The following RARA variants were observed in gnomAD, a reference collection of about 807,000 sequenced individuals.
RARA encodes PML-DDX5-RARA fusion.
In RARA, 5 loss-of-function variants were observed where a neutral mutation model predicts 42.8. The observed-to-expected ratio is 0.12, with a 90% confidence interval of 0.06 to 0.25. The LOEUF (loss-of-function observed/expected upper bound fraction) is 0.25, where lower values mean the gene tolerates loss of function less well. RARA is among the 10% of genes least tolerant of loss of function. The probability of loss-of-function intolerance (pLI) is 1.00; values close to 1 mark genes in which losing one functional copy is unlikely to be tolerated. For synonymous variants in RARA, 256 were observed against 259.5 expected (o/e 0.99, Z 0.13); for missense variants, 402 against 628.7 (o/e 0.64, Z 3.86).
intron 1 of RARA, among the ~76,000 whole-genome samples, chr17:40,328,644 A>G (rs2143256330): frequency 6.6e-6 from 1 of 152,268 alleles, no homozygotes; most frequent in East Asian, 1.9e-4. Flanking sequence ...TGTCTCTATA[A>G]ATGTGCCTAT....
At chr17:40,329,032 C>A (rs2033620542) in intron 1 of RARA, among the ~76,000 whole-genome samples, 1 of 152,118 alleles carries the variant, frequency 6.6e-6, no homozygotes, top group African/African-American at 2.4e-5. Flanking sequence ...TTCCCACCAG[C>A]AATATATGAG....
At position 40,340,233 on chromosome 17, in the gene RARA, G is replaced by A. The variant is rs575117113; in HGVS notation, c.179-8083G>A. On this transcript the variant is annotated intron_variant, in intron 2 of 8. Coordinates refer to ENST00000254066, the MANE Select transcript of RARA (RefSeq NM_000964.4). ...ACCCTTGTCTGATGCCTGGACTGCT[G>A]CAGTAGCTTTTACCTGGTCTCTCTT... is the stretch of plus-strand genomic sequence containing the variant. 3.9e-5 allele frequency among the ~76,000 whole-genome samples: 6 copies of A among 152,108 alleles called. No homozygotes were observed. In the South Asian group the frequency reaches 8.3e-4, roughly 21 times the overall value.
intron 2 of RARA, chr17:40,342,630 A>T: frequency 6.5e-7 from 1 of 1,539,040 alleles, no homozygotes; most frequent in Admixed American, 1.9e-5. Flanking sequence ...CTCTGCTCGG[A>T]TGGCGCCGCC....
At chr17:40,348,699 GTC>G (rs1402123481) in intron 3 of RARA, 6 of 426,564 alleles carry the variant, frequency 1.4e-5, no homozygotes. Flanking sequence ...TCCTTTCCCT[GTC>G]TCTATCCTCC....
chr17:40,351,763 C>A lies in RARA; in HGVS notation c.470-147C>A. ...GGAGGGCTGGAGTGCGTGGCAATGC[C>A]TTGCCTGCCCGTGAACGCGTGCTGT... On this transcript the variant is annotated intron_variant, in intron 4 of 8. Transcript: ENST00000254066. This position sits in a 1 kb window ranked among gnomAD's most constrained non-coding sequence, Gnocchi z 4.1. 9.1e-7 allele frequency: 1 copy of A among 1,095,256 alleles called. No individual in the cohort carries two copies. Among genetic ancestry groups the A allele is most frequent in the African/African-American group, 1.6e-5 (1 of 62,448 alleles). The allele number at this position is 1,095,256 out of a possible 1,614,324, so 67.8% of individuals were successfully genotyped here. A position where few individuals can be genotyped will look rare whatever the true frequency, so the allele number is the denominator to read the frequency against.
chr17:40,349,966 G>C (rs757548851), intron 4 of RARA, 41 bp downstream of exon 4: 21 of 1,607,624 alleles, frequency 1.3e-5, no homozygotes, highest in South Asian at 2.2e-5. Context: ...GCCTCAGTTG[G>C]GGTCTCAGAT....
chr17:40,355,404 G>A lies in RARA; in HGVS notation c.1154G>A (p.Arg385Gln), dbSNP rs775118101. The A allele has an allele frequency of 1.2e-6, 2 of 1,613,950 alleles. No homozygotes were observed. Among genetic ancestry groups the A allele is most frequent in the Non-Finnish European group, 1.7e-6 (2 of 1,179,918 alleles). The change falls in exon 8 of 9, where the codon CGA (arginine) becomes CAA (glutamine). Residue 385 changes from arginine (R) to glutamine (Q), a missense_variant. Around this residue, in one of 5 missense-constraint regions of RARA, gnomAD observed 104 missense variants for 160.1 expected, o/e 0.65. Transcript: ENST00000254066. This position sits in a 1 kb window ranked among gnomAD's most constrained non-coding sequence, Gnocchi z 4.1. The part of the protein sequence containing the change: ...PKMLMKITDL[R>Q]SISAKGAERV... Reference sequence around the variant, plus strand: ...ATGCTAATGAAGATTACTGACCTGCGAAGCATCAGCGCCAAGGGTGAGGCT... The same window carrying A: ...ATGCTAATGAAGATTACTGACCTGCAAAGCATCAGCGCCAAGGGTGAGGCT...
chr17:40,348,515 G>GT (rs765805238), intron 3 of RARA, 51 bp downstream of exon 3: 196 of 1,588,674 alleles, frequency 1.2e-4, no homozygotes, highest in Non-Finnish European at 1.6e-4. Flanking sequence ...TCAATGGGAT[G>GT]TCCCCACTTC....
rs999607343 is a variant in RARA, at chr17:40,348,316, C to A, written c.179C>A (p.Thr60Asn). 4 of 1,589,120 alleles carry A rather than the reference C, an allele frequency of 2.5e-6. No individual in the cohort carries two copies. The African/African-American group carries it at 5.4e-5, about 22-fold the overall frequency. The change falls in exon 3 of 9, where the codon ACC becomes AAC. Residue 60 changes from threonine (T) to asparagine (N), a missense_variant and splice_region_variant. Physicochemically the swap from Thr to Asn is moderately conservative, Grantham distance 65. This residue lies in a region of RARA where 91 missense variants were observed against 105.2 expected (regional missense o/e 0.87). Transcript: ENST00000254066. ...VSGYSTPSPA[T>N]IETQSSSSEE... Reference sequence around the variant, plus strand: ...TGCCCCTCCCCTCTTCTCTCTCTAGCCATTGAGACCCAGAGCAGCAGTTCT... The same window carrying A: ...TGCCCCTCCCCTCTTCTCTCTCTAGACATTGAGACCCAGAGCAGCAGTTCT...
At chr17:40,313,640 G>A (rs1385615047) in intron 1 of RARA, among the ~76,000 whole-genome samples, 1 of 152,100 alleles carries the variant, frequency 6.6e-6, no homozygotes. Context: ...GGAAGGAGGT[G>A]TTCCAGACAG....
At chr17:40,333,525 G>C (rs1383930264) in intron 2 of RARA, among the ~76,000 whole-genome samples, 3 of 151,682 alleles carry the variant, frequency 2.0e-5, no homozygotes, top group African/African-American at 7.3e-5. Flanking sequence ...TAGTAGAGAT[G>C]GGGTTTTGCC....
chr17:40,350,037 T>C, intron 4 of RARA, 112 bp downstream of exon 4: 1 of 1,468,104 alleles, frequency 6.8e-7, no homozygotes, highest in Non-Finnish European at 9.2e-7. Flanking sequence ...TGAACACGCA[T>C]GCCGTGGTGT....
rs143600523 is a variant in RARA, at chr17:40,329,979, T to A, written c.-362-878T>A. ...CTCACTGTGTTATGGAATCTCTGGG[T>A]TCATCTCTGTCTCTGTCTCTACCCC... is the stretch of plus-strand genomic sequence containing the variant. On this transcript the variant is annotated intron_variant, in intron 1 of 8. Coordinates refer to ENST00000254066, the MANE Select transcript of RARA (RefSeq NM_000964.4). Among the ~76,000 whole-genome samples the A allele has an allele frequency of 1.6e-3, 237 of 152,324 alleles. 1 individual carries two copies. The highest frequency in any genetic ancestry group is 4.6e-3 in the Admixed American group (71 of 15,306).
At chr17:40,329,900 G>A (rs1189109310) in intron 1 of RARA, among the ~76,000 whole-genome samples, 3 of 152,046 alleles carry the variant, frequency 2.0e-5, no homozygotes, top group East Asian at 1.9e-4. Flanking sequence ...TCTTGTCCTC[G>A]TATGGATATG....
At chr17:40,323,657 G>C (rs1244812436) in intron 1 of RARA, among the ~76,000 whole-genome samples, 1 of 151,418 alleles carries the variant, frequency 6.6e-6, no homozygotes, top group Non-Finnish European at 1.5e-5. Flanking sequence ...TGTTCAGCTG[G>C]GGATGGTGAG....
At chr17:40,335,624 AG>A (rs2143315305) in intron 2 of RARA, among the ~76,000 whole-genome samples, 1 of 152,060 alleles carries the variant, frequency 6.6e-6, no homozygotes, top group East Asian at 1.9e-4. Context: ...CAGGAGGCAG[AG>A]GTTGCAGTAA....
At position 40,351,125 on chromosome 17, in the gene RARA, C is replaced by A. The variant is rs1040357727; in HGVS notation, c.470-785C>A. 4.6e-5 allele frequency among the ~76,000 whole-genome samples: 7 copies of A among 151,532 alleles called. No homozygotes were observed. Among genetic ancestry groups the A allele is most frequent in the African/African-American group, 1.7e-4 (7 of 41,282 alleles). On this transcript the variant is annotated intron_variant, in intron 4 of 8. Transcript: ENST00000254066. This position sits in a 1 kb window ranked among gnomAD's most constrained non-coding sequence, Gnocchi z 4.1. ...ATTTTCTCTTCCCAAATTATCCCCC[C>A]ACTCTCCCTCTCCCTCTCCCTTCTC...
Position 40,326,190 on chromosome 17 carries a change from T to C in RARA, c.-362-4667T>C, listed in dbSNP as rs1486148143. Among the ~76,000 whole-genome samples, 3 of 152,202 alleles carry C rather than the reference T, an allele frequency of 2.0e-5. No homozygotes were observed. The highest frequency in any genetic ancestry group is 7.2e-5 in the African/African-American group (3 of 41,452). Reference sequence around the variant, plus strand: ...AGGCAAGGGAAAGCAGGCCGACTGCTGAGGGGCACCAAGGTGGTGGCAAGA... The same window carrying C: ...AGGCAAGGGAAAGCAGGCCGACTGCCGAGGGGCACCAAGGTGGTGGCAAGA... On this transcript the variant is annotated intron_variant, in intron 1 of 8. Coordinates refer to ENST00000254066, the MANE Select transcript of RARA (RefSeq NM_000964.4). The surrounding 1 kb of genome is among the most constrained non-coding windows in gnomAD (Gnocchi z 5.2).
intron 3 of RARA, 31 bp from the exon 4 acceptor site, chr17:40,349,753 G>A (rs2034382701): frequency 6.2e-7 from 1 of 1,612,404 alleles, no homozygotes; most frequent in Admixed American, 1.7e-5. Context: ...TGTGGGTGTG[G>A]ACAACCTGAC....
Sources: allele counts gnomAD v4.1 joint callset (sites outside exome capture counted in the v4.1 genomes callset), GRCh38; gene constraint gnomAD v4.1.1; regional missense constraint gnomAD v4.1.1; non-coding constraint Gnocchi (gnomAD v3.1); transcripts MANE v1.5; gene names NCBI Gene and HGNC (gene_info 2026-07-23, HGNC 2026-07-21).